Variants in ASIC2 observed in about 807,000 individuals in gnomAD.
ASIC2 encodes acid sensing ion channel subunit 2.
In ASIC2, 25 loss-of-function variants were observed where a neutral mutation model predicts 57.3. The ratio of observed to expected loss-of-function variants is 0.44; its 90% confidence interval spans 0.32 to 0.61. The LOEUF (loss-of-function observed/expected upper bound fraction) is 0.61, where lower values mean the gene tolerates loss of function less well. Ranked by LOEUF, ASIC2 falls within the 20% of genes least tolerant of loss-of-function variation. The pLI, the probability that ASIC2 is intolerant of heterozygous loss-of-function variation, is 0.06. For missense variants in ASIC2, 641 were observed against 738.1 expected (o/e 0.87, Z 1.52); for synonymous variants, 319 against 307.5 (o/e 1.04, Z -0.39).
chr17:33,870,492 G>C (rs1186170133), intron 1 of ASIC2, among the ~76,000 whole-genome samples: 1 of 151,998 alleles, frequency 6.6e-6, no homozygotes, highest in African/African-American at 2.4e-5. Flanking sequence ...TAGGACAAAA[G>C]GTCATGGTGG....
chr17:33,666,296 G>A (rs1451349196), intron 1 of ASIC2, among the ~76,000 whole-genome samples: 1 of 152,176 alleles, frequency 6.6e-6, no homozygotes, highest in African/African-American at 2.4e-5. Flanking sequence ...ATAGCTGGCA[G>A]AAAAGGAAAC....
At position 33,967,279 on chromosome 17, in the gene ASIC2, A is replaced by C. The variant is rs1905103427; in HGVS notation, c.555+188699T>G. Among the ~76,000 whole-genome samples the C allele has an allele frequency of 2.6e-5, 4 of 152,174 alleles. No individual in the cohort carries two copies. In the South Asian group the frequency reaches 8.3e-4, roughly 32 times the overall value. On this transcript the variant is annotated intron_variant, in intron 1 of 9. Coordinates refer to the ASIC2 transcript ENST00000359872. ...GAGAGAGGGTCTTGCACTGTGGTCT[A>C]GGCTGGAGTACAGTGGTACAGTCTC...
At chr17:33,890,514 G>A (rs1914936111) in intron 1 of ASIC2, among the ~76,000 whole-genome samples, 1 of 152,212 alleles carries the variant, frequency 6.6e-6, no homozygotes, top group Non-Finnish European at 1.5e-5. Flanking sequence ...GAAACCCTGT[G>A]CACACAAAGA....
intron 1 of ASIC2, among the ~76,000 whole-genome samples, chr17:33,362,883 C>A (rs956892876): frequency 6.6e-6 from 1 of 152,210 alleles, no homozygotes; most frequent in African/African-American, 2.4e-5. Context: ...TTGATTCTAT[C>A]CCAAGGGGGT....
intron 1 of ASIC2, chr17:33,581,289 T>C (rs2347549): frequency 0.5 from 76,680 of 151,918 alleles, 19,993 homozygotes; most frequent in African/African-American, 0.64. Context: ...GAAAACGACC[T>C]AAGTGCTCAG....
At chr17:33,902,542 C>T (rs1359236403) in intron 1 of ASIC2, among the ~76,000 whole-genome samples, 1 of 152,186 alleles carries the variant, frequency 6.6e-6, no homozygotes, top group East Asian at 1.9e-4. Flanking sequence ...CATCTTTGTC[C>T]TTGTGGCTCT....
intron 3 of ASIC2, among the ~76,000 whole-genome samples, chr17:33,032,931 T>A (rs2091890767): frequency 6.6e-6 from 1 of 152,128 alleles, no homozygotes; most frequent in Non-Finnish European, 1.5e-5. Context: ...TTTTTTTTTT[T>A]AGAATGGGTT....
At position 33,540,576 on chromosome 17, in the gene ASIC2, C is replaced by T. The variant is rs148148416; in HGVS notation, c.556-428509G>A. ...AAGACTTTGCAATTTATTATAAGGG[C>T]AAGGAGTGACCCATTTTCGCTGCCC... On this transcript the variant is annotated intron_variant, in intron 1 of 9. Transcript: ENST00000359872. Among the ~76,000 whole-genome samples, 802 of 152,208 alleles carry T rather than the reference C, an allele frequency of 5.3e-3. 6 individuals are homozygous for T. The highest frequency in any genetic ancestry group is 0.018 in the African/African-American group (767 of 41,548).
At chr17:33,473,184 T>C (rs1220879552) in intron 1 of ASIC2, among the ~76,000 whole-genome samples, 1 of 152,236 alleles carries the variant, frequency 6.6e-6, no homozygotes, top group Non-Finnish European at 1.5e-5. Context: ...AAGGAGGCCC[T>C]GGGGCAGGGA....
intron 1 of ASIC2, among the ~76,000 whole-genome samples, chr17:33,752,379 GC>G (rs1187806470): frequency 1.7e-5 from 2 of 119,968 alleles, no homozygotes; most frequent in Non-Finnish European, 4.0e-5. Flanking sequence ...GCTTTCATTA[GC>G]AAAAAAAAGT....
chr17:33,385,177 A>G (rs1466503135), intron 1 of ASIC2, among the ~76,000 whole-genome samples: 3 of 152,238 alleles, frequency 2.0e-5, no homozygotes, highest in African/African-American at 7.2e-5. Flanking sequence ...AGTGTTCGAC[A>G]TGCATTAGCC....
chr17:33,832,566 C>T (rs923849886), intron 1 of ASIC2, among the ~76,000 whole-genome samples: 1 of 152,182 alleles, frequency 6.6e-6, no homozygotes, highest in African/African-American at 2.4e-5. Flanking sequence ...TTTATTTACA[C>T]CCAGCCCTGG....
In ASIC2 at chr17:34,156,344, C is replaced by G; in HGVS notation, c.189G>C (p.Arg63Ser). The G allele has an allele frequency of 6.2e-7, 1 of 1,614,180 alleles. No individual in the cohort carries two copies. Among genetic ancestry groups the G allele is most frequent in the East Asian group, 2.2e-5 (1 of 44,868 alleles). The change falls in exon 1 of 10, where the codon AGG becomes AGC. Residue 63 changes from arginine to serine, a missense_variant. By Grantham distance (110) the Arg-to-Ser change is moderately radical (BLOSUM62 -1). Transcript: ENST00000359872. The surrounding 1 kb of genome is among the most constrained non-coding windows in gnomAD (Gnocchi z 4.4). ...GCTGGTAGGAGAAGTAGTAGGACAC[C>G]CTCTCAGAGCTCTCCACCAGCAGCA...
At chr17:34,034,526 A>T (rs945551615) in intron 1 of ASIC2, among the ~76,000 whole-genome samples, 19 of 152,196 alleles carry the variant, frequency 1.2e-4, no homozygotes, top group Non-Finnish European at 2.5e-4. Flanking sequence ...ATCAGGCAGG[A>T]GAAGGAAATA....
At chr17:33,515,995 G>A (rs759622656) in intron 1 of ASIC2, among the ~76,000 whole-genome samples, 10 of 151,948 alleles carry the variant, frequency 6.6e-5, no homozygotes, top group South Asian at 6.2e-4. Flanking sequence ...TACTTGGGGC[G>A]GGGGATGGCT....
At chr17:33,156,865 T>C (rs892383607) in intron 1 of ASIC2, among the ~76,000 whole-genome samples, 2 of 152,090 alleles carry the variant, frequency 1.3e-5, no homozygotes, top group African/African-American at 4.8e-5. Flanking sequence ...ATATTGGATA[T>C]CATGATTTTA....
chr17:33,175,715 C>T (rs752697940), intron 1 of ASIC2, among the ~76,000 whole-genome samples: 1 of 152,018 alleles, frequency 6.6e-6, no homozygotes, highest in Non-Finnish European at 1.5e-5. Flanking sequence ...CTGTGCAATC[C>T]GCTCACTCCT....
intron 1 of ASIC2, among the ~76,000 whole-genome samples, chr17:33,554,608 T>A (rs1909817373): frequency 6.6e-6 from 1 of 152,104 alleles, no homozygotes; most frequent in South Asian, 2.1e-4. Context: ...GTGGCTAGGA[T>A]CATTTTCAAG....
intron 1 of ASIC2, 97 bp downstream of exon 1, chr17:33,291,311 A>G (rs1905428091): frequency 6.8e-7 from 1 of 1,459,858 alleles, no homozygotes; most frequent in Non-Finnish European, 9.0e-7. Flanking sequence ...ACACTGCAAG[A>G]GGCCTGGGGA....
Sources: gnomAD v4.1 joint callset for allele counts (sites outside exome capture counted in the v4.1 genomes callset) on GRCh38, gnomAD v4.1.1 for gene constraint, Gnocchi (gnomAD v3.1) non-coding constraint, MANE v1.5 for transcripts, NCBI Gene and HGNC (gene_info 2026-07-23, HGNC 2026-07-21) for gene names.